Variants in CEP131 observed in about 807,000 individuals in gnomAD.
CEP131 encodes the protein centrosomal protein of 131 kDa.
CEP131 carries 99 observed loss-of-function variants against 136.8 expected under a neutral mutation model. The observed-to-expected ratio is 0.72, with a 90% CI of 0.62 to 0.86. The LOEUF (loss-of-function observed/expected upper bound fraction) is 0.86. Ranked by LOEUF, CEP131 falls within the 40% of genes least tolerant of loss-of-function variation. The pLI, the probability that CEP131 is intolerant of heterozygous loss-of-function variation, is 0.00. For missense variants in CEP131, 1,459 were observed against 1,463.0 expected (o/e 1.00, Z 0.04); for synonymous variants, 646 against 612.7 (o/e 1.05, Z -0.80).
Position 81,197,825 on chromosome 17 carries a change from G to T in CEP131, c.1534C>A (p.Pro512Thr), listed in dbSNP as rs760008116. Residue 512 changes from proline (P) to threonine (T), a missense_variant, in exon 13 of 26, where the codon CCC (proline) becomes ACC (threonine). Pro to Thr is a conservative substitution (Grantham distance 38, BLOSUM62 -1). Coordinates refer to ENST00000450824, the MANE Select transcript of CEP131 (RefSeq NM_014984.4). ...LEKFGKLSAF[P>T]EPPEDGTLLS... ...AGCGTCCCATCCTCAGGAGGTTCGG[G>T]GAACGCACTGAGTTTTCCAAATTTC... The T allele has an allele frequency of 1.4e-5, 23 of 1,613,268 alleles. No homozygotes were observed. In the African/African-American group the frequency reaches 1.9e-4, roughly 13 times the overall value.
At position 81,197,710 on chromosome 17, in the gene CEP131, A is replaced by G; in HGVS notation, c.1647+2T>C. On this transcript the variant is annotated splice_donor_variant, in intron 13 of 25. Coordinates refer to ENST00000450824, the MANE Select transcript of CEP131 (RefSeq NM_014984.4). LOFTEE classifies it high-confidence loss of function. ...GCCGGGTGCGGGCTGGTGAGGGGCC[A>G]CCTCCTGCTGGGAGTCCAGCTGGTC... 6.2e-7 allele frequency: 1 copy of G among 1,607,082 alleles called. No individual in the cohort carries two copies. The highest frequency in any genetic ancestry group is 8.5e-7 in the Non-Finnish European group (1 of 1,176,428).
At chr17:81,195,277 A>G (rs1391784289) in intron 16 of CEP131, among the ~76,000 whole-genome samples, 2 of 151,826 alleles carry the variant, frequency 1.3e-5, no homozygotes, top group African/African-American at 4.8e-5. Flanking sequence ...CAGAGCCTGC[A>G]TTCTTCCATG....
Position 81,195,904 on chromosome 17 carries a change from C to T in CEP131, c.1947G>A (p.Val649=). The T allele has an allele frequency of 1.9e-6, 3 of 1,610,144 alleles. No individual in the cohort carries two copies. The highest frequency in any genetic ancestry group is 2.5e-6 in the Non-Finnish European group (3 of 1,179,918). Residue 649 remains valine, a synonymous_variant, in exon 16 of 26, where the codon GTG becomes GTA. Coordinates refer to ENST00000450824, the MANE Select transcript of CEP131 (RefSeq NM_014984.4). ...KVLSEKCEAV[V]AELKQEDQRC... ...TCTGGTCCTCCTGCTTCAGCTCGGC[C>T]ACCACAGCCTCGCACTTTTCACTCA... is the stretch of plus-strand genomic sequence containing the variant.
Position 81,191,183 on chromosome 17 carries a change from G to A in CEP131, c.2765+10C>T, listed in dbSNP as rs182307830. On this transcript the variant is annotated intron_variant, in intron 22 of 25. Transcript: ENST00000450824. ...CCCCAGCTGGTGACCCAGCCATGGC[G>A]GGTCCTTACCGGCTCTCGGCAGCCT... 9,711 of 1,610,676 alleles carry A rather than the reference G, an allele frequency of 6.0e-3. 39 individuals carry two copies. Among genetic ancestry groups the A allele is most frequent in the Non-Finnish European group, 6.8e-3 (8,061 of 1,178,508 alleles).
intron 2 of CEP131, among the ~76,000 whole-genome samples, chr17:81,216,763 T>G (rs1347173164): frequency 6.6e-6 from 1 of 152,190 alleles, no homozygotes; most frequent in African/African-American, 2.4e-5. Flanking sequence ...TCAAAACACA[T>G]GGTAGGAATT....
At chr17:81,216,688 C>T (rs1216070501) in intron 2 of CEP131, among the ~76,000 whole-genome samples, 3 of 152,188 alleles carry the variant, frequency 2.0e-5, no homozygotes, top group Admixed American at 6.5e-5. Flanking sequence ...CCCGCAAGGT[C>T]GGGCAGGACA....
chr17:81,198,967 A>G lies in CEP131; in HGVS notation c.1197T>C (p.Gly399=), dbSNP rs750624721. 1 of 1,562,678 alleles carries G rather than the reference A, an allele frequency of 6.4e-7. No individual in the cohort carries two copies. Among genetic ancestry groups the G allele is most frequent in the Admixed American group, 1.9e-5 (1 of 52,642 alleles). ...CTCCGGGGCCTGCAGCAGGGAGGCC[A>G]CCACCTGCACAGCAGAACACAGCAC... is the stretch of plus-strand genomic sequence containing the variant. ...HQALKANNTG[G]GLPAAGPGDR... is the part of the protein sequence containing the mutation. The change falls in exon 11 of 26, where the codon GGT becomes GGC. Residue 399 remains glycine, a synonymous_variant. Coordinates refer to ENST00000450824, the MANE Select transcript of CEP131 (RefSeq NM_014984.4).
intron 24 of CEP131, 151 bp from the exon 25 acceptor site, chr17:81,190,126 C>T: frequency 1.5e-6 from 1 of 685,156 alleles, no homozygotes; most frequent in Non-Finnish European, 2.4e-6. Context: ...GACAGCTGTC[C>T]AGGCAACCCA....
chr17:81,206,911 C>T, intron 4 of CEP131, 40 bp from the exon 5 acceptor site: 1 of 1,594,034 alleles, frequency 6.3e-7, no homozygotes, highest in Non-Finnish European at 8.5e-7. Flanking sequence ...CCGCACACAC[C>T]CAGACACCCC....
intron 5 of CEP131, among the ~76,000 whole-genome samples, chr17:81,205,974 G>C (rs1000714731): frequency 4.6e-5 from 7 of 152,190 alleles, no homozygotes; most frequent in Non-Finnish European, 1.0e-4. Context: ...GGGAGGCCAA[G>C]GCGGGTGGAT....
intron 2 of CEP131, among the ~76,000 whole-genome samples, chr17:81,217,881 T>G (rs1267795455): frequency 6.6e-6 from 1 of 152,114 alleles, no homozygotes; most frequent in Admixed American, 6.5e-5. Flanking sequence ...TGTGGTTAGG[T>G]GCCTGGGTCG....
intron 2 of CEP131, among the ~76,000 whole-genome samples, chr17:81,214,837 A>G (rs2062210764): frequency 6.6e-6 from 1 of 151,812 alleles, no homozygotes; most frequent in Non-Finnish European, 1.5e-5. Context: ...CAGTGGCGCG[A>G]TCTCGGCTCA....
At chr17:81,191,423 G>A (rs576582810) in intron 21 of CEP131, 88 bp from the exon 22 acceptor site, 4 of 1,296,122 alleles carry the variant, frequency 3.1e-6, no homozygotes, top group Non-Finnish European at 4.4e-6. Context: ...GGGGGCTCCA[G>A]GCTCTGAGCC....
At position 81,222,943 on chromosome 17, in the gene CEP131, C is replaced by G. The variant is rs1276967293; in HGVS notation, c.-192G>C. 1.3e-5 allele frequency: 2 copies of G among 152,376 alleles called. No homozygotes were observed. Among genetic ancestry groups the G allele is most frequent in the South Asian group, 2.1e-4 (1 of 4,854 alleles). 9.4% of individuals were successfully genotyped at this position (152,376 alleles called of 1,614,324 possible). A position where few individuals can be genotyped will look rare whatever the true frequency, so the allele number is the denominator to read the frequency against. On this transcript the variant is annotated 5_prime_UTR_variant, in exon 1 of 26. Transcript: ENST00000450824. ...GGTGACAATGAAGCGGCCGGACGGCCGGGGTGAGCAGCGGCGGCAGCTAGC... is the reference window on the plus strand; with the variant it reads ...GGTGACAATGAAGCGGCCGGACGGCGGGGGTGAGCAGCGGCGGCAGCTAGC...
intron 2 of CEP131, among the ~76,000 whole-genome samples, chr17:81,217,480 G>A (rs986337864): frequency 6.6e-6 from 1 of 152,040 alleles, no homozygotes; most frequent in Non-Finnish European, 1.5e-5. Context: ...CAAAACAAAT[G>A]CTCTCCAGGA....
rs754501571 is a variant in CEP131, at chr17:81,197,007, C to A, written c.1696G>T (p.Val566Leu). Reference sequence around the variant, plus strand: ...TTCAGCCGCATCACAGACGTGCTCACCTCGGACCCCAGCTCCAGGGGCCCC... The same window carrying A: ...TTCAGCCGCATCACAGACGTGCTCAACTCGGACCCCAGCTCCAGGGGCCCC... ...GPGPLELGSE[V>L]STSVMRLKLE... Residue 566 changes from valine (V) to leucine (L), a missense_variant, in exon 14 of 26, where the codon GTG (valine) becomes TTG (leucine). By Grantham distance (32) the Val-to-Leu change is conservative. Transcript: ENST00000450824. 6.3e-7 allele frequency: 1 copy of A among 1,598,320 alleles called. No individual in the cohort carries two copies. Among genetic ancestry groups the A allele is most frequent in the Non-Finnish European group, 8.5e-7 (1 of 1,172,408 alleles).
chr17:81,208,964 G>A lies in CEP131; in HGVS notation c.236C>T (p.Thr79Ile), dbSNP rs1362869857. 1 of 1,614,012 alleles carries A rather than the reference G, an allele frequency of 6.2e-7. No individual in the cohort carries two copies. The highest frequency in any genetic ancestry group is 1.7e-5 in the Admixed American group (1 of 60,010). ...AINNLRRSNS[T>I]TQVSQPRSGS... ...GCTCCGAGGCTGGCTGACCTGCGTG[G>A]TGCTGTTGGATCTTCTAAGGTTGTT... The change falls in exon 3 of 26, where the codon ACC becomes ATC. Residue 79 changes from threonine (T) to isoleucine (I), a missense_variant. By Grantham distance (89) the Thr-to-Ile change is moderately conservative. Around this residue, in one of 3 missense-constraint regions of CEP131, gnomAD observed 187 missense variants for 179.9 expected, o/e 1.04. Transcript: ENST00000450824. The surrounding 1 kb of genome is among the most constrained non-coding windows in gnomAD (Gnocchi z 5.6).
chr17:81,190,542 T>G, intron 24 of CEP131, 97 bp downstream of exon 24: 1 of 1,396,616 alleles, frequency 7.2e-7, no homozygotes, highest in South Asian at 1.5e-5. Flanking sequence ...TCTCCTGGCC[T>G]TCCTCAGCCA....
Position 81,202,354 on chromosome 17 carries a change from C to T in CEP131, c.674G>A (p.Gly225Asp). 6.2e-7 allele frequency: 1 copy of T among 1,613,680 alleles called. No homozygotes were observed. Among genetic ancestry groups the T allele is most frequent in the Non-Finnish European group, 8.5e-7 (1 of 1,179,928 alleles). ...GACATTCTTCGGCAGCTTCCCAAAG[C>T]CGCTGCTCTCACTGCCCTCACAGGT... ...AATCEGSESSGFGKLPKNVSS... is the reference protein window; with the variant it reads ...AATCEGSESSDFGKLPKNVSS... Residue 225 changes from glycine to aspartate, a missense_variant, in exon 7 of 26, where the codon GGC (glycine) becomes GAC (aspartate). By Grantham distance (94) the Gly-to-Asp change is moderately conservative. Coordinates refer to ENST00000450824, the MANE Select transcript of CEP131 (RefSeq NM_014984.4).
Sources: allele counts gnomAD v4.1 joint callset (sites outside exome capture counted in the v4.1 genomes callset), GRCh38; gene constraint gnomAD v4.1.1; regional missense constraint gnomAD v4.1.1; non-coding constraint Gnocchi (gnomAD v3.1); transcripts MANE v1.5; gene names NCBI Gene and HGNC (gene_info 2026-07-23, HGNC 2026-07-21).